The following LRRC7 variants were observed in gnomAD, a reference collection of about 807,000 sequenced individuals.
LRRC7 encodes leucine rich repeat containing 7.
Under a neutral mutation model 175.7 loss-of-function variants are expected in LRRC7, and 23 were observed. The ratio of observed to expected loss-of-function variants is 0.13; its 90% CI spans 0.09 to 0.19. The LOEUF (loss-of-function observed/expected upper bound fraction) is 0.19, where lower values mean the gene tolerates loss of function less well. LRRC7 is among the 10% of genes least tolerant of loss of function. The pLI is 1.00. For synonymous variants in LRRC7, 685 were observed against 680.9 expected, an observed-to-expected ratio of 1.01 and a Z score of -0.09; for missense variants, 1,354 against 1,904.7, an observed-to-expected ratio of 0.71 and a Z score of 5.38.
intron 7 of LRRC7, among the ~76,000 whole-genome samples, chr1:69,890,955 G>A: frequency 6.6e-6 from 1 of 152,242 alleles, no homozygotes; most frequent in East Asian, 1.9e-4. Context: ...TGGCTTAAGA[G>A]AATGTTGTGG....
intron 7 of LRRC7, among the ~76,000 whole-genome samples, chr1:69,892,327 T>C (rs970833471): frequency 5.9e-5 from 9 of 151,948 alleles, no homozygotes; most frequent in African/African-American, 2.2e-4. Flanking sequence ...GGGTGAGGAG[T>C]TTGGACCTCA....
At chr1:69,807,246 T>C (rs943722738) in intron 4 of LRRC7, among the ~76,000 whole-genome samples, 2 of 152,118 alleles carry the variant, frequency 1.3e-5, no homozygotes, top group Non-Finnish European at 2.9e-5. Flanking sequence ...TGACTCTTTA[T>C]CCAATTTGCC....
At chr1:70,120,043 G>T (rs1666111591) in intron 26 of LRRC7, among the ~76,000 whole-genome samples, 1 of 152,080 alleles carries the variant, frequency 6.6e-6, no homozygotes, top group South Asian at 2.1e-4. Context: ...ATGCAAGTTT[G>T]CTATGTTCCT....
chr1:69,967,976 A>G (rs1024494156), intron 8 of LRRC7, among the ~76,000 whole-genome samples: 6 of 152,158 alleles, frequency 3.9e-5, no homozygotes, highest in African/African-American at 1.4e-4. Flanking sequence ...CCTGAAAAAT[A>G]ATTCAGAAGG....
chr1:69,710,619 A>G (rs1664647314), intron 2 of LRRC7, among the ~76,000 whole-genome samples: 1 of 152,150 alleles, frequency 6.6e-6, no homozygotes, highest in Admixed American at 6.6e-5. Flanking sequence ...TGTTTCCTGA[A>G]ATTTAATTAA....
chr1:69,876,330 T>C (rs1056008320), intron 7 of LRRC7, among the ~76,000 whole-genome samples: 2 of 152,166 alleles, frequency 1.3e-5, no homozygotes, highest in African/African-American at 4.8e-5. Context: ...TTTATCAGTT[T>C]TTAAAGGGAA....
rs1056029043 is a variant in LRRC7, at chr1:69,825,903, C to A, written c.500+77C>A. ...AATGTACCTAAATAGAGGAAATGCA[C>A]ATCATAATTTAAATTTAAATGTAGC... On this transcript the variant is annotated intron_variant, in intron 5 of 26. Transcript: ENST00000651989. 7.1e-6 allele frequency: 6 copies of A among 840,064 alleles called. No homozygotes were observed. The African/African-American group carries it at 8.9e-5, about 12-fold the overall frequency. The allele number at this position is 840,064 out of a possible 1,614,324, so 52.0% of individuals were successfully genotyped here. A position where few individuals can be genotyped will look rare whatever the true frequency, so the allele number is the denominator to read the frequency against.
At chr1:69,601,698 CTTT>C (rs1647080205) in intron 1 of LRRC7, among the ~76,000 whole-genome samples, 1 of 152,084 alleles carries the variant, frequency 6.6e-6, no homozygotes, top group African/African-American at 2.4e-5. Flanking sequence ...ATATATAAAA[CTTT>C]TTCCAGGTCA....
At chr1:69,853,504 C>T (rs1683243030) in intron 7 of LRRC7, among the ~76,000 whole-genome samples, 1 of 152,008 alleles carries the variant, frequency 6.6e-6, no homozygotes, top group African/African-American at 2.4e-5. Context: ...GTCTCAAACT[C>T]CTGACCTTGT....
In LRRC7 at chr1:70,043,957, G is replaced by T; in HGVS notation, c.3973G>T (p.Ala1325Ser). 1 of 1,605,732 alleles carries T rather than the reference G, an allele frequency of 6.2e-7. No individual in the cohort carries two copies. Among genetic ancestry groups the T allele is most frequent in the South Asian group, 1.1e-5 (1 of 90,296 alleles). ...HIEARRLDRN[A>S]AYKHNTVNLG... ...CATGATTATTTCCTCTACTCAGAAT[G>T]CTGCTTACAAACACAATACAGTTAA... The change falls in exon 22 of 27, where the codon GCT (alanine) becomes TCT (serine). Residue 1325 changes from alanine to serine, a missense_variant. Transcript: ENST00000651989.
chr1:69,744,610 A>C, intron 2 of LRRC7, among the ~76,000 whole-genome samples: 1 of 151,964 alleles, frequency 6.6e-6, no homozygotes, highest in East Asian at 1.9e-4. Flanking sequence ...GGTTCAAGAA[A>C]GAATGTGAAA....
chr1:70,043,909 G>C, intron 21 of LRRC7, 45 bp from the exon 22 acceptor site: 1 of 1,547,800 alleles, frequency 6.5e-7, no homozygotes, highest in Non-Finnish European at 8.8e-7. Flanking sequence ...TCAGTTTGTT[G>C]AGCATGTGTT....
intron 8 of LRRC7, among the ~76,000 whole-genome samples, chr1:69,940,517 A>G (rs2101797532): frequency 6.6e-6 from 1 of 152,200 alleles, no homozygotes; most frequent in South Asian, 2.1e-4. Context: ...AGAGAAATTG[A>G]AGGGGGAATA....
intron 24 of LRRC7, among the ~76,000 whole-genome samples, chr1:70,076,583 C>G (rs190464687): frequency 1.1e-3 from 167 of 152,306 alleles, no homozygotes; most frequent in Non-Finnish European, 1.8e-3. Flanking sequence ...ACTCCTAACT[C>G]CAATTTAGCT....
At chr1:69,602,366 T>G (rs912307447) in intron 1 of LRRC7, among the ~76,000 whole-genome samples, 3 of 152,188 alleles carry the variant, frequency 2.0e-5, no homozygotes, top group Admixed American at 6.5e-5. Flanking sequence ...AAGTACAAGA[T>G]GGTGAATGTC....
At chr1:69,770,276 A>G (rs1672082290) in intron 3 of LRRC7, among the ~76,000 whole-genome samples, 1 of 152,212 alleles carries the variant, frequency 6.6e-6, no homozygotes, top group African/African-American at 2.4e-5. Flanking sequence ...TACATATTAT[A>G]TGCTTTCAAT....
intron 7 of LRRC7, among the ~76,000 whole-genome samples, chr1:69,887,541 A>C (rs1645676295): frequency 1.3e-5 from 2 of 151,432 alleles, no homozygotes; most frequent in Middle Eastern, 3.4e-3. Flanking sequence ...CAAAGTTTTC[A>C]ACTTCTTTGC....
intron 1 of LRRC7, among the ~76,000 whole-genome samples, chr1:69,589,958 A>G (rs774369199): frequency 2.0e-5 from 3 of 152,174 alleles, no homozygotes; most frequent in Admixed American, 6.5e-5. Context: ...ATGACATTAA[A>G]CACTCTATTT....
intron 7 of LRRC7, among the ~76,000 whole-genome samples, chr1:69,853,274 T>TTTC (rs1557811825): frequency 1.8e-4 from 7 of 38,744 alleles, no homozygotes; most frequent in South Asian, 1.3e-3. Context: ...TTCTTTCTTT[T>TTTC]TTTTTTTTTT....
Sources: gnomAD v4.1 joint callset for allele counts (sites outside exome capture counted in the v4.1 genomes callset) on GRCh38, gnomAD v4.1.1 for gene constraint, MANE v1.5 for transcripts, NCBI Gene and HGNC (gene_info 2026-07-23, HGNC 2026-07-21) for gene names.